PCDHGA2: variants seen among roughly 807,000 people sequenced by gnomAD.
PCDHGA2 encodes protocadherin gamma subfamily A, 2, also known as protocadherin gamma-A2.
PCDHGA2 carries 40 observed loss-of-function variants against 59.2 expected under a neutral mutation model. The observed-to-expected ratio is 0.68, with a 90% CI of 0.52 to 0.88. The LOEUF is 0.88. Among genes scored for constraint, PCDHGA2 ranks in the 40% least tolerant of loss-of-function variants. The probability of loss-of-function intolerance (pLI) is 0.00; values close to 1 mark genes in which losing one functional copy is unlikely to be tolerated. For synonymous variants in PCDHGA2, 560 were observed against 526.0 expected (o/e 1.06, Z -0.89); for missense variants, 1,226 against 1,204.0 (o/e 1.02, Z -0.27).
intron 1 of PCDHGA2, chr5:141,426,776 C>G (rs1258505646): frequency 2.2e-6 from 1 of 456,584 alleles, no homozygotes; most frequent in Admixed American, 2.3e-5. Flanking sequence ...TAGGGCCTCA[C>G]TCTCTCCAGA....
intron 1 of PCDHGA2, chr5:141,420,034 C>T (rs373590502): frequency 7.8e-5 from 126 of 1,613,970 alleles, no homozygotes; most frequent in Non-Finnish European, 9.3e-5. Context: ...CTGCAGGAGA[C>T]TGCTTTGAGT....
At chr5:141,388,814 C>A in intron 1 of PCDHGA2, 1 of 1,613,826 alleles carries the variant, frequency 6.2e-7, no homozygotes, top group Non-Finnish European at 8.5e-7. Context: ...TTGAAGAAGT[C>A]AAAGAATATT....
At chr5:141,344,411 T>G (rs773874852) in intron 1 of PCDHGA2, 1 of 1,612,074 alleles carries the variant, frequency 6.2e-7, no homozygotes, top group Non-Finnish European at 8.5e-7. Context: ...TTAAAGATAT[T>G]AATGATAATG....
At chr5:141,423,008 C>A in intron 1 of PCDHGA2, 13 of 1,614,214 alleles carry the variant, frequency 8.1e-6, no homozygotes, top group Non-Finnish European at 1.1e-5. Flanking sequence ...AAGGTGGTTG[C>A]GGTGGACAAA....
At chr5:141,475,217 A>G (rs1053906682) in intron 1 of PCDHGA2, among the ~76,000 whole-genome samples, 4 of 152,196 alleles carry the variant, frequency 2.6e-5, no homozygotes, top group Non-Finnish European at 5.9e-5. Flanking sequence ...AGGATTGATC[A>G]AGTAAAGGGA....
At chr5:141,410,595 C>T (rs753833671) in intron 1 of PCDHGA2, 1 of 1,608,802 alleles carries the variant, frequency 6.2e-7, no homozygotes. Flanking sequence ...GAGGATTTGA[C>T]TTCACATCCT....
At chr5:141,375,790 A>G (rs1284123678) in intron 1 of PCDHGA2, 9 of 1,614,216 alleles carry the variant, frequency 5.6e-6, no homozygotes, top group African/African-American at 2.7e-5. Context: ...CCCTCCCCAC[A>G]GACGGTTCCA....
intron 1 of PCDHGA2, chr5:141,388,052 C>T (rs777475213): frequency 7.2e-7 from 1 of 1,394,236 alleles, no homozygotes; most frequent in Non-Finnish European, 9.8e-7. Flanking sequence ...ACCTGGGGTT[C>T]AGCGTCCAGG....
intron 1 of PCDHGA2, chr5:141,384,783 G>C (rs768506502): frequency 1.4e-5 from 22 of 1,613,560 alleles, no homozygotes; most frequent in East Asian, 2.2e-5. Context: ...AGGTGCGCAC[G>C]GCTCGGGCCC....
intron 1 of PCDHGA2, among the ~76,000 whole-genome samples, chr5:141,482,053 C>G (rs2099551080): frequency 6.6e-6 from 1 of 150,558 alleles, no homozygotes; most frequent in Non-Finnish European, 1.5e-5. Flanking sequence ...CTGTTGCATT[C>G]CAGCCTGGGC....
At chr5:141,458,058 C>T (rs997664641) in intron 1 of PCDHGA2, among the ~76,000 whole-genome samples, 3 of 152,196 alleles carry the variant, frequency 2.0e-5, no homozygotes, top group Non-Finnish European at 4.4e-5. Context: ...TCTTGCTGCA[C>T]TGATGCGAAC....
In PCDHGA2 at chr5:141,431,048, A is replaced by T; in HGVS notation, c.2425-63759A>T. On this transcript the variant is annotated intron_variant, in intron 1 of 3. Transcript: ENST00000394576. This position sits in a 1 kb window ranked among gnomAD's most constrained non-coding sequence, Gnocchi z 4.8. ...CAGGATAGACCGGGAGGAGCTCTGT[A>T]TGGGGGCCATCAAGTGTCAATTAAA... 6.2e-7 allele frequency: 1 copy of T among 1,614,180 alleles called. No homozygotes were observed. The highest frequency in any genetic ancestry group is 1.1e-5 in the South Asian group (1 of 91,088).
intron 1 of PCDHGA2, among the ~76,000 whole-genome samples, chr5:141,442,789 T>C (rs2098343347): frequency 6.6e-6 from 1 of 152,196 alleles, no homozygotes; most frequent in African/African-American, 2.4e-5. Flanking sequence ...ATTTTATAAT[T>C]TTACTTTGAT....
At chr5:141,479,685 G>A (rs749895405) in intron 1 of PCDHGA2, 3 of 152,248 alleles carry the variant, frequency 2.0e-5, no homozygotes, top group Non-Finnish European at 4.4e-5. Flanking sequence ...AGTCTTTTTG[G>A]TGCCTCCAGT....
At chr5:141,495,437 C>T (rs2099761356) in intron 2 of PCDHGA2, among the ~76,000 whole-genome samples, 1 of 152,178 alleles carries the variant, frequency 6.6e-6, no homozygotes, top group East Asian at 1.9e-4. Flanking sequence ...GTCCTCTGCC[C>T]CTACTTGTCC....
rs767400679 is a variant in PCDHGA2, at chr5:141,476,863, C to T, written c.2425-17944C>T. 2.2e-5 allele frequency: 35 copies of T among 1,613,740 alleles called. No individual in the cohort carries two copies. Among genetic ancestry groups the T allele is most frequent in the Non-Finnish European group, 2.8e-5 (33 of 1,180,062 alleles). On this transcript the variant is annotated intron_variant, in intron 1 of 3. Coordinates refer to ENST00000394576, the MANE Select transcript of PCDHGA2 (RefSeq NM_018915.4). The surrounding 1 kb of genome is among the most constrained non-coding windows in gnomAD (Gnocchi z 7.6). ...CGCCTGTCTTCAACCAGTCCTTGTA[C>T]CGGGCGCGCGTCCTGGAGGATGCAC...
intron 1 of PCDHGA2, chr5:141,408,955 TA>T: frequency 2.5e-6 from 4 of 1,613,616 alleles, no homozygotes; most frequent in Non-Finnish European, 3.4e-6. Flanking sequence ...GAATTAGTCT[TA>T]GTGAAAATCT....
At chr5:141,361,400 T>A in intron 1 of PCDHGA2, 1 of 1,613,988 alleles carries the variant, frequency 6.2e-7, no homozygotes, top group Non-Finnish European at 8.5e-7. Flanking sequence ...AATCTCACCA[T>A]CACAGCCACC....
At position 141,491,724 on chromosome 5, in the gene PCDHGA2, G is replaced by A; in HGVS notation, c.2425-3083G>A. ...AGGTGAGGGGCTCGGCGCCGCCCCGGGCGACCCCTGGGGGCGGCACTGGAG... is the reference window on the plus strand; with the variant it reads ...AGGTGAGGGGCTCGGCGCCGCCCCGAGCGACCCCTGGGGGCGGCACTGGAG... On this transcript the variant is annotated intron_variant, in intron 1 of 3. Coordinates refer to ENST00000394576, the MANE Select transcript of PCDHGA2 (RefSeq NM_018915.4). This position sits in a 1 kb window ranked among gnomAD's most constrained non-coding sequence, Gnocchi z 6.9. 1 of 1,606,454 alleles carries A rather than the reference G, an allele frequency of 6.2e-7. No individual in the cohort carries two copies. The highest frequency in any genetic ancestry group is 1.1e-5 in the South Asian group (1 of 90,304).
Sources: gnomAD v4.1 joint callset for allele counts (sites outside exome capture counted in the v4.1 genomes callset) on GRCh38, gnomAD v4.1.1 for gene constraint, Gnocchi (gnomAD v3.1) non-coding constraint, MANE v1.5 for transcripts, NCBI Gene and HGNC (gene_info 2026-07-23, HGNC 2026-07-21) for gene names.